The following CFAP299 variants were observed in gnomAD, a reference collection of about 807,000 sequenced individuals.
The protein encoded by CFAP299 is cilia and flagella associated protein 299.
CFAP299 carries 21 observed loss-of-function variants against 27.0 expected under a neutral mutation model. The ratio of observed to expected loss-of-function variants is 0.78; its 90% CI spans 0.55 to 1.12. The LOEUF (loss-of-function observed/expected upper bound fraction) is 1.12. Among genes scored for constraint, CFAP299 ranks in the 50% most tolerant of loss-of-function variants. The pLI, the probability that CFAP299 is intolerant of heterozygous loss-of-function variation, is 0.00. For missense variants in CFAP299, 310 were observed against 276.6 expected, an observed-to-expected ratio of 1.12 and a Z score of -0.86; for synonymous variants, 104 against 98.1, an observed-to-expected ratio of 1.06 and a Z score of -0.36.
At chr4:80,361,859 T>C (rs17004885) in intron 1 of CFAP299, among the ~76,000 whole-genome samples, 4,956 of 152,238 alleles carry the variant, frequency 0.033, 148 homozygotes, top group South Asian at 0.089. Context: ...GATATAGTAA[T>C]TAAGTCTTCA....
chr4:80,852,524 T>C (rs1394693274), intron 3 of CFAP299, among the ~76,000 whole-genome samples: 2 of 152,176 alleles, frequency 1.3e-5, no homozygotes, highest in African/African-American at 4.8e-5. Flanking sequence ...ATTGTTTTTA[T>C]GGCAAACAAA....
chr4:80,805,598 C>G (rs1023141159), intron 3 of CFAP299, among the ~76,000 whole-genome samples: 6 of 152,124 alleles, frequency 3.9e-5, no homozygotes, highest in Non-Finnish European at 8.8e-5. Flanking sequence ...AATCCCAGCA[C>G]TTTGGGAGGC....
rs369443122 is a variant in CFAP299 at position 80,468,097 on chromosome 4, A to G, written c.242+105213A>G. ...GATGAAAGTAAATTTATAGAAAGTA[A>G]GTGTTGATACCTACATAGGTATAAT... On this transcript the variant is annotated intron_variant, in intron 2 of 5. Coordinates refer to ENST00000358105, the MANE Select transcript of CFAP299 (RefSeq NM_152770.3). 3.9e-5 allele frequency among the ~76,000 whole-genome samples: 6 copies of G among 152,186 alleles called. No homozygotes were observed. In the East Asian group the frequency reaches 1.2e-3, roughly 29 times the overall value.
chr4:80,487,588 T>A (rs997861086), intron 2 of CFAP299, among the ~76,000 whole-genome samples: 1 of 152,146 alleles, frequency 6.6e-6, no homozygotes, highest in African/African-American at 2.4e-5. Context: ...AGCATTTTGG[T>A]TATTAACATC....
At chr4:80,539,253 T>G (rs1455541165) in intron 2 of CFAP299, among the ~76,000 whole-genome samples, 1 of 152,188 alleles carries the variant, frequency 6.6e-6, no homozygotes, top group Non-Finnish European at 1.5e-5. Context: ...TAATCAAGTA[T>G]AAAACAGTGT....
intron 3 of CFAP299, among the ~76,000 whole-genome samples, chr4:80,693,507 T>C (rs1361552716): frequency 8.4e-6 from 1 of 118,760 alleles, no homozygotes; most frequent in East Asian, 2.9e-4. Context: ...TGAGAACACA[T>C]GGACACAGGA....
intron 2 of CFAP299, among the ~76,000 whole-genome samples, chr4:80,540,398 T>C (rs1044062158): frequency 2.0e-5 from 3 of 152,222 alleles, no homozygotes; most frequent in Non-Finnish European, 2.9e-5. Context: ...AAAGAAATTG[T>C]AAGCAGGTTC....
At chr4:80,455,549 G>A (rs1729102619) in intron 2 of CFAP299, among the ~76,000 whole-genome samples, 1 of 152,004 alleles carries the variant, frequency 6.6e-6, no homozygotes, top group Non-Finnish European at 1.5e-5. Context: ...GAGCAAGAAT[G>A]AGCACACAAG....
intron 3 of CFAP299, among the ~76,000 whole-genome samples, chr4:80,782,817 T>C (rs527872982): frequency 6.6e-5 from 10 of 150,470 alleles, no homozygotes; most frequent in African/African-American, 1.9e-4. Flanking sequence ...AGTGTGTAAT[T>C]ACATATATAT....
At chr4:80,788,426 T>C (rs1465272394) in intron 3 of CFAP299, among the ~76,000 whole-genome samples, 3 of 152,014 alleles carry the variant, frequency 2.0e-5, no homozygotes, top group Non-Finnish European at 2.9e-5. Context: ...GCTTTCAGTT[T>C]TGTCATGTCC....
At chr4:80,444,482 A>G (rs1339095444) in intron 2 of CFAP299, among the ~76,000 whole-genome samples, 1 of 152,244 alleles carries the variant, frequency 6.6e-6, no homozygotes, top group Non-Finnish European at 1.5e-5. Context: ...CCATATGCAG[A>G]AAACTGAAAC....
At chr4:80,378,876 T>A (rs1303045730) in intron 2 of CFAP299, among the ~76,000 whole-genome samples, 1 of 152,130 alleles carries the variant, frequency 6.6e-6, no homozygotes, top group African/African-American at 2.4e-5. Context: ...ATTGTGTTTA[T>A]TTTTTCATTC....
chr4:80,470,058 G>C (rs1280649506), intron 2 of CFAP299, among the ~76,000 whole-genome samples: 1 of 152,034 alleles, frequency 6.6e-6, no homozygotes, highest in Non-Finnish European at 1.5e-5. Flanking sequence ...GTGGTCATCA[G>C]CTATCTCATT....
At chr4:80,829,129 G>T (rs753197007) in intron 3 of CFAP299, among the ~76,000 whole-genome samples, 22 of 151,890 alleles carry the variant, frequency 1.4e-4, no homozygotes, top group Non-Finnish European at 2.8e-4. Flanking sequence ...ACTATCAAGA[G>T]TAAAGAGGCA....
rs535124150 is a variant in CFAP299, at chr4:80,594,774, C to T, written c.333+11591C>T. ...TCTTTCTGTAAGTATTTGTGTCTATCACATCACAAGATTTTTCTCAAATAT... is the reference window on the plus strand; with the variant it reads ...TCTTTCTGTAAGTATTTGTGTCTATTACATCACAAGATTTTTCTCAAATAT... On this transcript the variant is annotated intron_variant, in intron 3 of 5. Coordinates refer to ENST00000358105, the MANE Select transcript of CFAP299 (RefSeq NM_152770.3). 1.1e-3 allele frequency among the ~76,000 whole-genome samples: 164 copies of T among 152,216 alleles called. No individual in the cohort carries two copies. The Middle Eastern group carries it at 0.017, about 16-fold the overall frequency.
At chr4:80,640,219 C>T (rs139994591) in intron 3 of CFAP299, among the ~76,000 whole-genome samples, 48 of 152,242 alleles carry the variant, frequency 3.2e-4, no homozygotes, top group Non-Finnish European at 6.2e-4. Context: ...GCTATGAAGC[C>T]GGCTCTGATT....
intron 3 of CFAP299, among the ~76,000 whole-genome samples, chr4:80,749,338 T>TA (rs927745058): frequency 6.6e-6 from 1 of 152,064 alleles, no homozygotes; most frequent in Non-Finnish European, 1.5e-5. Context: ...ACATAAGAAT[T>TA]AAAAAAATTC....
At chr4:80,496,736 G>T (rs1731457948) in intron 2 of CFAP299, among the ~76,000 whole-genome samples, 1 of 152,110 alleles carries the variant, frequency 6.6e-6, no homozygotes. Context: ...ACCAGAGACT[G>T]GGTAATTCAT....
At chr4:80,346,867 A>G (rs1355752580) in intron 1 of CFAP299, among the ~76,000 whole-genome samples, 1 of 152,184 alleles carries the variant, frequency 6.6e-6, no homozygotes, top group Non-Finnish European at 1.5e-5. Context: ...CTTGGGCAGT[A>G]TGGCCATTTT....
Sources: allele counts gnomAD v4.1 joint callset (sites outside exome capture counted in the v4.1 genomes callset), GRCh38; gene constraint gnomAD v4.1.1; transcripts MANE v1.5; gene names NCBI Gene and HGNC (gene_info 2026-07-23, HGNC 2026-07-21).